Variants in EYS observed in about 807,000 individuals in gnomAD.
EYS encodes the protein EGF-like photoreceptor maintenance factor.
A neutral mutation model predicts 282.1 loss-of-function variants in EYS; 250 were observed. The ratio of observed to expected loss-of-function variants is 0.89; its 90% CI spans 0.80 to 0.98. The LOEUF (loss-of-function observed/expected upper bound fraction) is 0.98, where lower values mean the gene tolerates loss of function less well. Ranked by LOEUF, EYS falls within the 50% of genes least tolerant of loss-of-function variation. EYS has a pLI of 0.00. For missense variants in EYS, 4,016 were observed against 3,709.0 expected (o/e 1.08, Z -2.15); for synonymous variants, 1,355 against 1,282.9 (o/e 1.06, Z -1.20).
intron 26 of EYS, among the ~76,000 whole-genome samples, chr6:64,536,180 T>C (rs957071210): frequency 3.2e-4 from 48 of 152,248 alleles, no homozygotes; most frequent in African/African-American, 1.2e-3. Context: ...ATAAAAAAAC[T>C]ATATTAACTA....
chr6:64,074,902 A>C (rs1771712324), intron 32 of EYS, among the ~76,000 whole-genome samples: 1 of 151,972 alleles, frequency 6.6e-6, no homozygotes, highest in African/African-American at 2.4e-5. Context: ...AAACTAAGAC[A>C]TAGAAAGATG....
intron 30 of EYS, among the ~76,000 whole-genome samples, chr6:64,271,399 C>T (rs1284189545): frequency 6.6e-6 from 1 of 151,982 alleles, no homozygotes. Flanking sequence ...ATATGTCCTA[C>T]CAATTGTGGC....
intron 33 of EYS, among the ~76,000 whole-genome samples, chr6:64,034,113 C>T (rs1246852662): frequency 6.6e-6 from 1 of 151,992 alleles, no homozygotes; most frequent in South Asian, 2.1e-4. Flanking sequence ...GCAGGGCAGT[C>T]AAATTAAATG....
chr6:64,190,512 G>A (rs1463611292), intron 31 of EYS, among the ~76,000 whole-genome samples: 1 of 152,106 alleles, frequency 6.6e-6, no homozygotes, highest in Non-Finnish European at 1.5e-5. Flanking sequence ...AGAAAGGCAT[G>A]GTGCATGCCA....
In EYS at chr6:63,778,061, T is replaced by C; in HGVS notation, c.7843A>G (p.Ser2615Gly). 4 of 1,551,746 alleles carry C rather than the reference T, an allele frequency of 2.6e-6. No homozygotes were observed. The highest frequency in any genetic ancestry group is 3.5e-6 in the Non-Finnish European group (4 of 1,146,964). ...SVGQCHASPC[S>G]LMKCGNGGTC... ...CCACCATTGCCACATTTCATTAAAC[T>C]GCAGGGAGAAGCATGACACTGGCCA... Residue 2615 changes from serine (S) to glycine (G), a missense_variant, in exon 40 of 43, where the codon AGT (serine) becomes GGT (glycine). Coordinates refer to ENST00000503581, the MANE Select transcript of EYS (RefSeq NM_001142800.2).
At chr6:65,037,242 A>G (rs547189532) in intron 13 of EYS, among the ~76,000 whole-genome samples, 3 of 151,912 alleles carry the variant, frequency 2.0e-5, no homozygotes, top group Non-Finnish European at 4.4e-5. Flanking sequence ...TCTTACTTCT[A>G]AGTGGGAGCT....
chr6:64,899,692 A>T (rs953168749), intron 18 of EYS, among the ~76,000 whole-genome samples: 5 of 152,172 alleles, frequency 3.3e-5, no homozygotes, highest in Non-Finnish European at 5.9e-5. Context: ...GAACCTCTTC[A>T]AGGGGAACTA....
chr6:65,570,925 A>T (rs541999726), intron 2 of EYS, among the ~76,000 whole-genome samples: 1 of 152,238 alleles, frequency 6.6e-6, no homozygotes, highest in East Asian at 1.9e-4. Flanking sequence ...ATTCTAAAAG[A>T]AATGTACTTG....
chr6:64,214,834 A>G (rs1302679827), intron 31 of EYS, among the ~76,000 whole-genome samples: 2 of 152,022 alleles, frequency 1.3e-5, no homozygotes, highest in Non-Finnish European at 2.9e-5. Flanking sequence ...TTAACTAGTA[A>G]GTCCTTGTAA....
intron 12 of EYS, among the ~76,000 whole-genome samples, chr6:65,169,764 T>C (rs1232531681): frequency 2.0e-5 from 3 of 151,464 alleles, no homozygotes; most frequent in African/African-American, 7.3e-5. Flanking sequence ...ATAATGATCC[T>C]CAAATTTTGA....
chr6:64,944,325 G>A (rs1769200532), intron 15 of EYS, among the ~76,000 whole-genome samples: 1 of 152,004 alleles, frequency 6.6e-6, no homozygotes, highest in African/African-American at 2.4e-5. Context: ...TAATTTATGA[G>A]TGAGTCCACA....
At chr6:64,534,940 T>C (rs80331901) in intron 26 of EYS, among the ~76,000 whole-genome samples, 10 of 152,202 alleles carry the variant, frequency 6.6e-5, no homozygotes, top group African/African-American at 2.4e-4. Context: ...CACACATACA[T>C]ACACATACAC....
At chr6:64,489,149 G>A (rs1417563050) in intron 26 of EYS, among the ~76,000 whole-genome samples, 1 of 150,776 alleles carries the variant, frequency 6.6e-6, no homozygotes, top group Non-Finnish European at 1.5e-5. Flanking sequence ...GCTTTTTTAT[G>A]GAGAGATTTA....
chr6:65,337,808 C>T (rs1441421206), intron 10 of EYS, among the ~76,000 whole-genome samples: 2 of 150,530 alleles, frequency 1.3e-5, no homozygotes, highest in African/African-American at 4.8e-5. Context: ...TCAAACTACC[C>T]ATTGTATTTT....
chr6:64,518,377 A>G (rs1430191594), intron 26 of EYS, among the ~76,000 whole-genome samples: 1 of 151,536 alleles, frequency 6.6e-6, no homozygotes, highest in Non-Finnish European at 1.5e-5. Flanking sequence ...ATCTTAGTGG[A>G]TGCTGCTCAT....
intron 33 of EYS, 99 bp downstream of exon 33, chr6:64,066,239 C>G (rs1341009943): frequency 4.6e-5 from 49 of 1,068,066 alleles, no homozygotes; most frequent in Non-Finnish European, 1.5e-5. Context: ...GATCACACCA[C>G]TGCGCTCCAG....
chr6:65,296,035 A>C lies in EYS; in HGVS notation c.1851T>G (p.His617Gln). The change falls in exon 12 of 43, where the codon CAT (histidine) becomes CAG (glutamine). Residue 617 changes from histidine to glutamine, a missense_variant. Transcript: ENST00000503581. ...TGTGCGAAAGGGCCAGGCAGAGGCCATGCACTGATATACTGTGGTTCCCTA... is the reference window on the plus strand; with the variant it reads ...TGTGCGAAAGGGCCAGGCAGAGGCCCTGCACTGATATACTGTGGTTCCCTA... ...YCLGNHSISV[H>Q]GLCLALSHNC... is the part of the protein sequence containing the mutation. 6.4e-7 allele frequency: 1 copy of C among 1,551,158 alleles called. No homozygotes were observed.
At chr6:64,937,842 C>T (rs897036362) in intron 15 of EYS, among the ~76,000 whole-genome samples, 14 of 151,422 alleles carry the variant, frequency 9.2e-5, no homozygotes, top group African/African-American at 3.1e-4. Flanking sequence ...TTTATAGCAG[C>T]GTTATTCATA....
At chr6:64,769,456 G>C (rs1773458436) in intron 22 of EYS, among the ~76,000 whole-genome samples, 1 of 151,890 alleles carries the variant, frequency 6.6e-6, no homozygotes, top group African/African-American at 2.4e-5. Context: ...TAAATCATAA[G>C]TTTAAAATTG....
Sources: gnomAD v4.1 joint callset for allele counts (sites outside exome capture counted in the v4.1 genomes callset) on GRCh38, gnomAD v4.1.1 for gene constraint, MANE v1.5 for transcripts, NCBI Gene and HGNC (gene_info 2026-07-23, HGNC 2026-07-21) for gene names.